The following TRIM37 variants were observed in gnomAD, a reference collection of about 807,000 sequenced individuals.
TRIM37 encodes tripartite motif containing 37.
Under a neutral mutation model 129.8 loss-of-function variants are expected in TRIM37, and 80 were observed. That is an observed-to-expected ratio of 0.62 (90% CI 0.51 to 0.74). The LOEUF (loss-of-function observed/expected upper bound fraction) is 0.74. TRIM37 is among the 30% of genes least tolerant of loss of function. TRIM37 has a pLI of 0.00. For missense variants in TRIM37, 1,054 were observed against 1,176.5 expected, an observed-to-expected ratio of 0.90 and a Z score of 1.52; for synonymous variants, 389 against 387.1, an observed-to-expected ratio of 1.00 and a Z score of -0.06.
chr17:59,064,942 T>C (rs2041810691), intron 9 of TRIM37, among the ~76,000 whole-genome samples: 1 of 152,122 alleles, frequency 6.6e-6, no homozygotes, highest in African/African-American at 2.4e-5. Context: ...TCCCAGCTAC[T>C]TGGGAGGCTG....
intron 13 of TRIM37, among the ~76,000 whole-genome samples, chr17:59,054,739 A>T (rs2040673843): frequency 1.3e-5 from 2 of 152,220 alleles, no homozygotes; most frequent in African/African-American, 4.8e-5. Flanking sequence ...ATCTCGGTTC[A>T]CTGCAACCTC....
intron 22 of TRIM37, among the ~76,000 whole-genome samples, chr17:59,004,697 A>G (rs1191360581): frequency 1.3e-5 from 2 of 152,220 alleles, no homozygotes; most frequent in Non-Finnish European, 2.9e-5. Context: ...AAATGAGCAA[A>G]TTCTTTCCTA....
At chr17:59,026,890 G>T (rs1020141726) in intron 19 of TRIM37, among the ~76,000 whole-genome samples, 3 of 152,122 alleles carry the variant, frequency 2.0e-5, no homozygotes, top group Non-Finnish European at 4.4e-5. Context: ...CATTATTTTT[G>T]ATTTTTGAGA....
At chr17:58,982,168 A>AT (rs1491237132), downstream of TRIM37, 4 of 152,686 alleles carry the variant, frequency 2.6e-5, no homozygotes, top group African/African-American at 9.6e-5. Flanking sequence ...TGGAAGACAC[A>AT]TGAGTGTCCT....
chr17:59,001,708 C>T lies in TRIM37; in HGVS notation c.2702G>A (p.Ser901Asn), dbSNP rs759965285. ...GASAAPEEGM[S>N]SDSDIECDTE... Reference sequence around the variant, plus strand: ...GTCACATTCAATGTCACTGTCGCTACTCATTCCTGGCAGGAAGGAAGGAGA... The same window carrying T: ...GTCACATTCAATGTCACTGTCGCTATTCATTCCTGGCAGGAAGGAAGGAGA... Residue 901 changes from serine (S) to asparagine (N), a missense_variant, in exon 23 of 24, where the codon AGT (serine) becomes AAT (asparagine). Ser to Asn is a conservative substitution (Grantham distance 46). Transcript: ENST00000262294. 2 of 1,614,024 alleles carry T rather than the reference C, an allele frequency of 1.2e-6. No homozygotes were observed. Among genetic ancestry groups the T allele is most frequent in the Non-Finnish European group, 1.7e-6 (2 of 1,179,974 alleles).
Position 58,998,972 on chromosome 17 carries a change from T to G in TRIM37, c.*405A>C. On this transcript the variant is annotated 3_prime_UTR_variant, in exon 24 of 24. Transcript: ENST00000262294. ...AAAACCCCAAATATAAAGATGATTA[T>G]TTAAACACAACTAAGCTCTAGCCAA... 3.8e-6 allele frequency: 4 copies of G among 1,040,448 alleles called. No individual in the cohort carries two copies. In the South Asian group the frequency reaches 1.3e-4, roughly 34 times the overall value. The allele number at this position is 1,040,448 out of a possible 1,614,324, so 64.5% of individuals were successfully genotyped here. A position where few individuals can be genotyped will look rare whatever the true frequency, so the allele number is the denominator to read the frequency against.
intron 17 of TRIM37, among the ~76,000 whole-genome samples, chr17:59,033,804 TAG>T (rs1263729188): frequency 6.6e-6 from 1 of 151,756 alleles, no homozygotes; most frequent in East Asian, 2.0e-4. Flanking sequence ...AATTACATCC[TAG>T]ATACACTGAA....
At chr17:58,975,222 T>C in the TRIM37 span, among the ~76,000 whole-genome samples, 15 of 152,276 alleles carry the variant, frequency 9.9e-5, no homozygotes, top group Non-Finnish European at 1.9e-4. Flanking sequence ...CACCTATTTC[T>C]CCTGATCTGA....
chr17:58,975,767 G>C, the TRIM37 span, among the ~76,000 whole-genome samples: 1 of 152,170 alleles, frequency 6.6e-6, no homozygotes, highest in Non-Finnish European at 1.5e-5. Context: ...TACGCAGAGG[G>C]GCCACAGGGT....
the TRIM37 span, chr17:58,972,305 T>C: frequency 3.8e-6 from 6 of 1,588,060 alleles, no homozygotes; most frequent in East Asian, 4.5e-5. Flanking sequence ...ATAGAGCCCA[T>C]GCTCTAGTTA....
intron 3 of TRIM37, 108 bp from the exon 4 acceptor site, chr17:59,088,515 C>CT (rs2043980875): frequency 6.6e-6 from 5 of 759,042 alleles, no homozygotes; most frequent in South Asian, 1.6e-5. Flanking sequence ...TACCATAACA[C>CT]TATTTTTTTT....
chr17:59,104,263 T>A, intron 2 of TRIM37, 30 bp downstream of exon 2: 1 of 1,553,444 alleles, frequency 6.4e-7, no homozygotes. Flanking sequence ...CTATATATAC[T>A]AACTGCATGT....
intron 5 of TRIM37, 90 bp downstream of exon 5, chr17:59,083,912 G>C (rs911868927): frequency 9.8e-7 from 1 of 1,023,854 alleles, no homozygotes. Context: ...CATTCTACGA[G>C]AGCATAATGA....
At chr17:59,028,292 C>A in intron 19 of TRIM37, 123 bp downstream of exon 19, 1 of 885,056 alleles carries the variant, frequency 1.1e-6, no homozygotes, top group Non-Finnish European at 1.7e-6. Context: ...AAAAAAGTCA[C>A]ATGTAATTTG....
exon 25 of TRIM37, chr17:58,982,726 T>C (rs999965295): frequency 1.3e-5 from 7 of 529,742 alleles, no homozygotes; most frequent in African/African-American, 9.6e-5. Flanking sequence ...TTTCTCTTGA[T>C]TTTGAAGTCA....
At chr17:58,986,608 G>A (rs1276969184) in intron 24 of TRIM37, among the ~76,000 whole-genome samples, 1 of 151,248 alleles carries the variant, frequency 6.6e-6, no homozygotes, top group Admixed American at 6.6e-5. Flanking sequence ...TGCCTCCCAG[G>A]TTCAAGCAAT....
intron 17 of TRIM37, among the ~76,000 whole-genome samples, chr17:59,035,251 A>C (rs567455458): frequency 4.3e-4 from 65 of 151,726 alleles, no homozygotes; most frequent in Non-Finnish European, 5.3e-4. Flanking sequence ...AGTAGAAATG[A>C]GGTTTCGCCA....
intron 1 of TRIM37, 160 bp from the exon 2 acceptor site, chr17:59,104,554 C>G: frequency 1.3e-6 from 1 of 781,778 alleles, no homozygotes; most frequent in East Asian, 2.4e-5. Flanking sequence ...CAGAGTACCT[C>G]AAAACATCTG....
chr17:59,001,620 GA>G lies in TRIM37; in HGVS notation c.2789del (p.Val930AlafsTer2). The part of the protein sequence containing the change: ...SVGGFHDSFM[V>X]MTQPPDEDTH... ...CACCTTCATCCGGGGGCTGTGTCAT[GA>G]CCATGAAGGAGTCGTGAAACCCGCC... On this transcript the variant is annotated frameshift_variant, in exon 23 of 24. Coordinates refer to ENST00000262294, the MANE Select transcript of TRIM37 (RefSeq NM_015294.6). LOFTEE classifies it high-confidence loss of function. The G allele has an allele frequency of 6.2e-7, 1 of 1,614,082 alleles. No homozygotes were observed.
Sources: gnomAD v4.1 joint callset for allele counts (sites outside exome capture counted in the v4.1 genomes callset) on GRCh38, gnomAD v4.1.1 for gene constraint, MANE v1.5 for transcripts, NCBI Gene and HGNC (gene_info 2026-07-23, HGNC 2026-07-21) for gene names.